The following CDH13 variants were observed in gnomAD, a reference collection of about 807,000 sequenced individuals.
CDH13 encodes cadherin-13.
In CDH13, 24 loss-of-function variants were observed where a neutral mutation model predicts 63.8. The ratio of observed to expected loss-of-function variants is 0.38; its 90% CI spans 0.27 to 0.53. CDH13 has a LOEUF of 0.53. CDH13 is among the 20% of genes least tolerant of loss of function. The pLI is 0.85. For missense variants in CDH13, 1,049 were observed against 903.1 expected (o/e 1.16, Z -2.07); for synonymous variants, 503 against 355.3 (o/e 1.42, Z -4.67).
At chr16:83,023,569 A>T (rs184572737) in intron 2 of CDH13, among the ~76,000 whole-genome samples, 81 of 152,352 alleles carry the variant, frequency 5.3e-4, no homozygotes, top group Middle Eastern at 3.4e-3. Context: ...TCAGTTATCC[A>T]CATGGTGTCA....
chr16:82,988,055 G>A (rs144455016), intron 2 of CDH13, among the ~76,000 whole-genome samples: 57 of 152,272 alleles, frequency 3.7e-4, no homozygotes, highest in African/African-American at 1.3e-3. Context: ...ATTGAAGCAC[G>A]GCTATGTTTT....
rs371971285 is a variant in CDH13 at position 82,744,554 on chromosome 16, C to A, written c.46-113808C>A. On this transcript the variant is annotated intron_variant, in intron 1 of 13. Transcript: ENST00000567109. ...AATCTCTGGGCTGGCTTCTAGAATA[C>A]CAGGTCCCTTTCCCCTCAGTTCCTG... Among the ~76,000 whole-genome samples, 79 of 152,142 alleles carry A rather than the reference C, an allele frequency of 5.2e-4. 1 individual carries two copies. In the South Asian group the frequency reaches 0.016, roughly 31 times the overall value.
At position 83,506,928 on chromosome 16, in the gene CDH13, C is replaced by G. The variant is rs568571446; in HGVS notation, c.960+20273C>G. ...AACTGTAGCCTCACCAACATCCTGA[C>G]TGAACTACACAGCTGAGCAGCTTCC... On this transcript the variant is annotated intron_variant, in intron 7 of 13. Transcript: ENST00000567109. Among the ~76,000 whole-genome samples the G allele has an allele frequency of 3.9e-5, 6 of 152,334 alleles. No individual in the cohort carries two copies. The East Asian group carries it at 1.2e-3, about 29-fold the overall frequency.
At chr16:83,679,561 T>C (rs1198798442) in intron 10 of CDH13, among the ~76,000 whole-genome samples, 1 of 152,212 alleles carries the variant, frequency 6.6e-6, no homozygotes, top group Non-Finnish European at 1.5e-5. Flanking sequence ...GAATGCCAGA[T>C]GAACTAGACA....
intron 1 of CDH13, among the ~76,000 whole-genome samples, chr16:82,764,503 A>G (rs780344158): frequency 1.2e-4 from 19 of 152,216 alleles, no homozygotes; most frequent in Non-Finnish European, 2.8e-4. Flanking sequence ...ATGTGCTAGC[A>G]GAGCAAGCAG....
intron 2 of CDH13, among the ~76,000 whole-genome samples, chr16:82,905,762 C>A (rs2041625167): frequency 6.6e-6 from 1 of 151,942 alleles, no homozygotes; most frequent in Non-Finnish European, 1.5e-5. Context: ...CATATTTGAC[C>A]TTTTTGTACT....
chr16:82,735,684 C>A (rs1368421550), intron 1 of CDH13, among the ~76,000 whole-genome samples: 4 of 152,166 alleles, frequency 2.6e-5, no homozygotes, highest in Non-Finnish European at 5.9e-5. Context: ...TGGATTCCAG[C>A]TTCATTATCC....
At chr16:83,335,393 A>AC (rs2090571038) in intron 5 of CDH13, among the ~76,000 whole-genome samples, 1 of 150,754 alleles carries the variant, frequency 6.6e-6, no homozygotes, top group South Asian at 2.1e-4. Context: ...GTGTGAGTCA[A>AC]ACACACACAC....
At chr16:83,500,769 G>A (rs182656461) in intron 7 of CDH13, among the ~76,000 whole-genome samples, 344 of 151,014 alleles carry the variant, frequency 2.3e-3, no homozygotes, top group Non-Finnish European at 3.9e-3. Context: ...TTGTGGAGAC[G>A]GGGTTTCACC....
At chr16:83,448,820 C>G (rs948279285) in intron 6 of CDH13, among the ~76,000 whole-genome samples, 1 of 152,058 alleles carries the variant, frequency 6.6e-6, no homozygotes, top group African/African-American at 2.4e-5. Context: ...GGACTGGTTC[C>G]ACACCTCTGA....
intron 2 of CDH13, among the ~76,000 whole-genome samples, chr16:82,982,098 G>A (rs1164832082): frequency 6.6e-6 from 1 of 152,100 alleles, no homozygotes; most frequent in East Asian, 1.9e-4. Context: ...ATAAGTGTAT[G>A]ATCTTAGGCA....
intron 3 of CDH13, among the ~76,000 whole-genome samples, chr16:83,084,256 G>C (rs2033441059): frequency 6.6e-6 from 1 of 152,216 alleles, no homozygotes; most frequent in Admixed American, 6.5e-5. Flanking sequence ...AATTTAGCAA[G>C]GGGTAGTCTG....
At chr16:83,580,456 C>T (rs962859161) in intron 7 of CDH13, among the ~76,000 whole-genome samples, 2 of 28,250 alleles carry the variant, frequency 7.1e-5, no homozygotes, top group African/African-American at 3.0e-4. Flanking sequence ...ATTTCTCTCT[C>T]TCTCTCTCTC....
At position 82,978,648 on chromosome 16, in the gene CDH13, A is replaced by T. The variant is rs139767744; in HGVS notation, c.158-53362A>T. Among the ~76,000 whole-genome samples, 531 of 152,356 alleles carry T rather than the reference A, an allele frequency of 3.5e-3. 4 individuals are homozygous for T. The highest frequency in any genetic ancestry group is 0.012 in the African/African-American group (513 of 41,590). ...AGCCTGCAGGTACACAGAAGTCAGT[A>T]ATTGAGGTTTGGGAACCTCTGTCTA... On this transcript the variant is annotated intron_variant, in intron 2 of 13. Coordinates refer to ENST00000567109, the MANE Select transcript of CDH13 (RefSeq NM_001257.5).
At chr16:83,777,593 G>T (rs1915211030) in intron 11 of CDH13, among the ~76,000 whole-genome samples, 1 of 152,182 alleles carries the variant, frequency 6.6e-6, no homozygotes, top group Admixed American at 6.5e-5. Flanking sequence ...TGTTGCAGTT[G>T]TCCATTCCCT....
intron 5 of CDH13, among the ~76,000 whole-genome samples, chr16:83,337,554 T>A (rs1318920536): frequency 1.3e-5 from 2 of 151,892 alleles, no homozygotes; most frequent in African/African-American, 2.4e-5. Context: ...TTAGAGGTGA[T>A]TTGCATCCTC....
chr16:83,019,672 G>C (rs893001833), intron 2 of CDH13, among the ~76,000 whole-genome samples: 3 of 151,004 alleles, frequency 2.0e-5, no homozygotes, highest in African/African-American at 7.3e-5. Flanking sequence ...ATTTTTGCAT[G>C]TTTTGTAGAT....
At chr16:82,909,322 T>A (rs2041752158) in intron 2 of CDH13, among the ~76,000 whole-genome samples, 1 of 151,326 alleles carries the variant, frequency 6.6e-6, no homozygotes, top group African/African-American at 2.4e-5. Context: ...GATCTAGAAG[T>A]GTTAAATATA....
intron 4 of CDH13, among the ~76,000 whole-genome samples, chr16:83,147,927 C>T (rs8059249): frequency 0.24 from 35,746 of 151,884 alleles, 4,836 homozygotes; most frequent in African/African-American, 0.38. Flanking sequence ...TGGTGGCTCA[C>T]TGAGGCATTA....
Sources: gnomAD v4.1 joint callset for allele counts (sites outside exome capture counted in the v4.1 genomes callset) on GRCh38, gnomAD v4.1.1 for gene constraint, MANE v1.5 for transcripts, NCBI Gene and HGNC (gene_info 2026-07-23, HGNC 2026-07-21) for gene names.